MAN1A2: variants seen among roughly 807,000 people sequenced by gnomAD.
MAN1A2 encodes the protein mannosyl-oligosaccharide 1,2-alpha-mannosidase IB.
A neutral mutation model predicts 75.7 loss-of-function variants in MAN1A2; 26 were observed. The observed-to-expected ratio is 0.34, with a 90% CI of 0.25 to 0.48. MAN1A2 has a LOEUF of 0.48. MAN1A2 is among the 20% of genes least tolerant of loss of function. The pLI, the probability that MAN1A2 is intolerant of heterozygous loss-of-function variation, is 0.99. For synonymous variants in MAN1A2, 247 were observed against 264.6 expected (o/e 0.93, Z 0.65); for missense variants, 562 against 775.5 (o/e 0.72, Z 3.27).
intron 5 of MAN1A2, among the ~76,000 whole-genome samples, chr1:117,441,325 A>C (rs1027274271): frequency 6.6e-6 from 1 of 152,132 alleles, no homozygotes; most frequent in African/African-American, 2.4e-5. Context: ...ATCTTCAACT[A>C]CTTATTATAT....
At chr1:117,368,594 C>T (rs1652849629) in intron 1 of MAN1A2, 109 bp downstream of exon 1, 5 of 1,019,718 alleles carry the variant, frequency 4.9e-6, no homozygotes, top group Non-Finnish European at 7.2e-6. Flanking sequence ...TTTTTCGAGT[C>T]ATAAATATTG....
At chr1:117,404,822 A>G (rs1303589501) in intron 2 of MAN1A2, among the ~76,000 whole-genome samples, 2 of 152,100 alleles carry the variant, frequency 1.3e-5, no homozygotes, top group Admixed American at 6.6e-5. Context: ...TGGGAGGCCA[A>G]AGTGGGCGGA....
intron 8 of MAN1A2, among the ~76,000 whole-genome samples, chr1:117,492,572 A>G (rs992878353): frequency 6.6e-6 from 1 of 152,070 alleles, no homozygotes; most frequent in African/African-American, 2.4e-5. Context: ...GCCTGTGTGT[A>G]CTAAAATTTG....
intron 1 of MAN1A2, among the ~76,000 whole-genome samples, chr1:117,396,455 C>G (rs1375934611): frequency 1.3e-5 from 2 of 152,016 alleles, no homozygotes; most frequent in East Asian, 3.8e-4. Context: ...GTTGAAAATA[C>G]CAAAGTTAAA....
chr1:117,502,851 A>G lies in MAN1A2; in HGVS notation c.1678-4A>G. 2 of 1,499,012 alleles carry G rather than the reference A, an allele frequency of 1.3e-6. No individual in the cohort carries two copies. The highest frequency in any genetic ancestry group is 1.9e-6 in the Non-Finnish European group (2 of 1,079,818). 92.9% of individuals were successfully genotyped at this position (1,499,012 alleles called of 1,614,324 possible). A position where few individuals can be genotyped will look rare whatever the true frequency, so the allele number is the denominator to read the frequency against. On this transcript the variant is annotated splice_region_variant and splice_polypyrimidine_tract_variant and intron_variant, in intron 11 of 12. Transcript: ENST00000356554. ...TTGCTTATTTTGTCTGATCTCTTTCATAGGCCATTGAAAAGTATTGCCGAG... is the reference window on the plus strand; with the variant it reads ...TTGCTTATTTTGTCTGATCTCTTTCGTAGGCCATTGAAAAGTATTGCCGAG...
At chr1:117,458,509 A>T (rs1211061043) in intron 6 of MAN1A2, among the ~76,000 whole-genome samples, 3 of 101,508 alleles carry the variant, frequency 3.0e-5, no homozygotes, top group Non-Finnish European at 3.9e-5. Context: ...ATATATATAT[A>T]TAGATATATA....
At chr1:117,433,721 T>A (rs1648752417) in intron 5 of MAN1A2, among the ~76,000 whole-genome samples, 1 of 152,210 alleles carries the variant, frequency 6.6e-6, no homozygotes, top group Non-Finnish European at 1.5e-5. Context: ...TTCATTGTAG[T>A]CATTACTGCA....
intron 12 of MAN1A2, among the ~76,000 whole-genome samples, chr1:117,520,776 G>A (rs568374627): frequency 6.6e-6 from 1 of 151,888 alleles, no homozygotes; most frequent in South Asian, 2.1e-4. Flanking sequence ...TGCATTTCCT[G>A]TCAAAATACC....
rs1432869405 is a variant in MAN1A2, at chr1:117,523,441, A to G, written c.*484A>G. The stretch of plus-strand genomic sequence containing the variant: ...TTAATAATGGAATGAACTAAAATAA[A>G]CAAGAACAAAAGAATAGTATAATTA... On this transcript the variant is annotated 3_prime_UTR_variant, in exon 13 of 13. Coordinates refer to ENST00000356554, the MANE Select transcript of MAN1A2 (RefSeq NM_006699.5). 4 of 329,360 alleles carry G rather than the reference A, an allele frequency of 1.2e-5. No homozygotes were observed. 20.4% of individuals were successfully genotyped at this position (329,360 alleles called of 1,614,324 possible). A position where few individuals can be genotyped will look rare whatever the true frequency, so the allele number is the denominator to read the frequency against.
In MAN1A2 at chr1:117,526,593, G is replaced by A. The variant is rs531295028; in HGVS notation, c.*3636G>A. 5 of 151,102 alleles carry A rather than the reference G, an allele frequency of 3.3e-5. No individual in the cohort carries two copies. The highest frequency in any genetic ancestry group is 5.9e-5 in the Non-Finnish European group (4 of 67,524). 9.4% of individuals were successfully genotyped at this position (151,102 alleles called of 1,614,324 possible). A position where few individuals can be genotyped will look rare whatever the true frequency, so the allele number is the denominator to read the frequency against. ...ATCACTTTAATTGCATAATTAAAAA[G>A]CAGTGTTTTATAGAAATGCTGGTTA... is the stretch of plus-strand genomic sequence containing the variant. On this transcript the variant is annotated 3_prime_UTR_variant, in exon 13 of 13. Coordinates refer to ENST00000356554, the MANE Select transcript of MAN1A2 (RefSeq NM_006699.5).
chr1:117,407,590 C>G (rs1159868995), intron 3 of MAN1A2, among the ~76,000 whole-genome samples: 1 of 152,078 alleles, frequency 6.6e-6, no homozygotes, highest in African/African-American at 2.4e-5. Context: ...GATTATTAAA[C>G]AATTCTTTTA....
At chr1:117,370,876 G>A (rs2101712184) in intron 1 of MAN1A2, among the ~76,000 whole-genome samples, 1 of 152,088 alleles carries the variant, frequency 6.6e-6, no homozygotes, top group African/African-American at 2.4e-5. Context: ...TACTTGTTTA[G>A]TTAGTATTTC....
intron 5 of MAN1A2, among the ~76,000 whole-genome samples, chr1:117,427,329 A>G (rs968681771): frequency 1.3e-5 from 2 of 152,212 alleles, no homozygotes; most frequent in African/African-American, 4.8e-5. Context: ...ATGAAATAAC[A>G]TGGAAATTCT....
chr1:117,465,296 G>A (rs1465141079), intron 7 of MAN1A2, among the ~76,000 whole-genome samples: 1 of 152,120 alleles, frequency 6.6e-6, no homozygotes, highest in African/African-American at 2.4e-5. Flanking sequence ...GTTTTTGGAT[G>A]ACAGAAGAGT....
intron 5 of MAN1A2, among the ~76,000 whole-genome samples, chr1:117,424,627 A>G (rs1362222564): frequency 1.3e-5 from 2 of 152,122 alleles, no homozygotes; most frequent in Non-Finnish European, 2.9e-5. Context: ...AGTCTCTTTC[A>G]GTCCCCTCAG....
At chr1:117,434,301 T>C (rs1389971067) in intron 5 of MAN1A2, among the ~76,000 whole-genome samples, 1 of 152,218 alleles carries the variant, frequency 6.6e-6, no homozygotes, top group Non-Finnish European at 1.5e-5. Context: ...CTGAGGTTAA[T>C]TTATATGCAA....
In MAN1A2 at chr1:117,523,024, G is replaced by A. The variant is rs1196394663; in HGVS notation, c.*67G>A. ...CATGGACCACTACAGAAATTAGTTT[G>A]AAGGGGCGGCTTTTGAAAACCTGGA... On this transcript the variant is annotated 3_prime_UTR_variant, in exon 13 of 13. Coordinates refer to ENST00000356554, the MANE Select transcript of MAN1A2 (RefSeq NM_006699.5). 6.3e-7 allele frequency: 1 copy of A among 1,581,946 alleles called. No individual in the cohort carries two copies. The highest frequency in any genetic ancestry group is 8.6e-7 in the Non-Finnish European group (1 of 1,159,134).
intron 1 of MAN1A2, among the ~76,000 whole-genome samples, chr1:117,384,075 C>T (rs1653441897): frequency 6.6e-6 from 1 of 152,108 alleles, no homozygotes; most frequent in African/African-American, 2.4e-5. Flanking sequence ...GTCAAAGAAC[C>T]AACTTTTGGT....
At chr1:117,372,069 AAG>A (rs993936248) in intron 1 of MAN1A2, among the ~76,000 whole-genome samples, 2 of 152,198 alleles carry the variant, frequency 1.3e-5, no homozygotes, top group African/African-American at 2.4e-5. Flanking sequence ...CATAAATACT[AAG>A]AGAAGTTATT....
Sources: allele counts gnomAD v4.1 joint callset (sites outside exome capture counted in the v4.1 genomes callset), GRCh38; gene constraint gnomAD v4.1.1; transcripts MANE v1.5; gene names NCBI Gene and HGNC (gene_info 2026-07-23, HGNC 2026-07-21).